VPS13B: variants seen among roughly 807,000 people sequenced by gnomAD.
The protein encoded by VPS13B is vacuolar protein sorting 13 homolog B, also known as intermembrane lipid transfer protein VPS13B.
VPS13B carries 285 observed loss-of-function variants against 426.4 expected under a neutral mutation model. That is an observed-to-expected ratio of 0.67 (90% CI 0.61 to 0.74). The LOEUF (loss-of-function observed/expected upper bound fraction) is 0.74, where lower values mean the gene tolerates loss of function less well. VPS13B is among the 30% of genes least tolerant of loss of function. VPS13B has a pLI of 0.00. For synonymous variants in VPS13B, 1,676 were observed against 1,676.4 expected (o/e 1.00, Z 0.01); for missense variants, 4,537 against 4,782.6 (o/e 0.95, Z 1.51).
intron 29 of VPS13B, among the ~76,000 whole-genome samples, chr8:99,512,737 C>T (rs776199791): frequency 1.1e-4 from 17 of 152,082 alleles, no homozygotes; most frequent in African/African-American, 2.7e-4. Context: ...GGGCTGGGCA[C>T]GGTGGCTCAC....
At chr8:99,798,498 C>T (rs1321590117) in intron 43 of VPS13B, among the ~76,000 whole-genome samples, 1 of 152,010 alleles carries the variant, frequency 6.6e-6, no homozygotes, top group Non-Finnish European at 1.5e-5. Flanking sequence ...ATAAAATGAC[C>T]AATTTCAAGA....
At chr8:99,814,712 A>G (rs536723167) in intron 44 of VPS13B, among the ~76,000 whole-genome samples, 38 of 152,254 alleles carry the variant, frequency 2.5e-4, no homozygotes, top group Non-Finnish European at 4.6e-4. Context: ...GGAGGTGTCT[A>G]CCTTCCCTGA....
At chr8:99,318,007 C>G (rs1210339721) in intron 19 of VPS13B, among the ~76,000 whole-genome samples, 1 of 152,072 alleles carries the variant, frequency 6.6e-6, no homozygotes, top group Non-Finnish European at 1.5e-5. Flanking sequence ...ATTACGGAGC[C>G]TTTAGAAAGC....
chr8:99,430,180 AAG>A (rs954143139), intron 21 of VPS13B, among the ~76,000 whole-genome samples: 3 of 152,212 alleles, frequency 2.0e-5, no homozygotes, highest in African/African-American at 7.2e-5. Flanking sequence ...AACTATGAGA[AAG>A]AAAAAGTCCG....
At chr8:99,080,335 G>C (rs1460869685) in intron 3 of VPS13B, among the ~76,000 whole-genome samples, 1 of 151,830 alleles carries the variant, frequency 6.6e-6, no homozygotes, top group Non-Finnish European at 1.5e-5. Context: ...ACTGACCTGT[G>C]GTCATAATAA....
intron 19 of VPS13B, among the ~76,000 whole-genome samples, chr8:99,353,056 A>T (rs1811979097): frequency 6.6e-6 from 1 of 151,840 alleles, no homozygotes. Flanking sequence ...ATCTTGGCTC[A>T]CTGCAACCTC....
chr8:99,534,911 A>T (rs2133704860), intron 30 of VPS13B, among the ~76,000 whole-genome samples: 1 of 152,330 alleles, frequency 6.6e-6, no homozygotes, highest in East Asian at 1.9e-4. Context: ...AACAGAATGA[A>T]TGGATGGATA....
At chr8:99,290,260 G>A (rs1668984435) in intron 19 of VPS13B, among the ~76,000 whole-genome samples, 2 of 152,010 alleles carry the variant, frequency 1.3e-5, no homozygotes, top group Admixed American at 1.3e-4. Context: ...CAACCCAAAT[G>A]TCCATCAATG....
chr8:99,194,429 C>T (rs1315838176), intron 17 of VPS13B, among the ~76,000 whole-genome samples: 4 of 152,080 alleles, frequency 2.6e-5, no homozygotes, highest in Admixed American at 1.3e-4. Flanking sequence ...CACTCCATTC[C>T]GCCTACGTTT....
chr8:99,503,039 T>C (rs995380906), intron 27 of VPS13B, 89 bp downstream of exon 27: 3 of 1,016,460 alleles, frequency 3.0e-6, no homozygotes, highest in African/African-American at 3.2e-5. Context: ...TTTGGCTGGT[T>C]ATTAAAATAA....
At chr8:99,717,149 C>G (rs756196889) in intron 36 of VPS13B, 22 bp from the exon 37 acceptor site, 2 of 1,586,192 alleles carry the variant, frequency 1.3e-6, no homozygotes, top group South Asian at 1.1e-5. Flanking sequence ...GAATTATATA[C>G]TCTTCTGTAT....
chr8:99,544,355 C>G (rs537176627), intron 30 of VPS13B, among the ~76,000 whole-genome samples: 1 of 152,076 alleles, frequency 6.6e-6, no homozygotes, highest in Non-Finnish European at 1.5e-5. Flanking sequence ...GGAGATATAC[C>G]TAATGCTAGA....
At chr8:99,195,931 G>A (rs1307019444) in intron 17 of VPS13B, among the ~76,000 whole-genome samples, 8 of 152,182 alleles carry the variant, frequency 5.3e-5, no homozygotes, top group Admixed American at 5.2e-4. Context: ...CTGTCTTCAT[G>A]CCAGTACCAT....
intron 17 of VPS13B, among the ~76,000 whole-genome samples, chr8:99,208,540 A>G (rs1269465036): frequency 6.6e-6 from 1 of 152,142 alleles, no homozygotes; most frequent in African/African-American, 2.4e-5. Flanking sequence ...ACATCTTCAT[A>G]TTATATGTAA....
At chr8:99,093,678 T>C (rs1018261520) in intron 3 of VPS13B, among the ~76,000 whole-genome samples, 36 of 152,116 alleles carry the variant, frequency 2.4e-4, no homozygotes, top group African/African-American at 8.2e-4. Flanking sequence ...TGATTTCCAA[T>C]TTCATCCATG....
At chr8:99,475,783 C>T (rs1343889862) in intron 24 of VPS13B, among the ~76,000 whole-genome samples, 15 of 152,208 alleles carry the variant, frequency 9.9e-5, no homozygotes, top group Admixed American at 9.8e-4. Flanking sequence ...TCCAGAGTCA[C>T]CTGGTTCCCA....
Position 99,575,487 on chromosome 8 carries a change from T to A in VPS13B, c.4950-171T>A, listed in dbSNP as rs77816225. Among the ~76,000 whole-genome samples, 1,429 of 152,314 alleles carry A rather than the reference T, an allele frequency of 9.4e-3. 32 individuals carry two copies. The highest frequency in any genetic ancestry group is 0.033 in the African/African-American group (1,368 of 41,578). The stretch of plus-strand genomic sequence containing the variant: ...AAGATGTTTTCATCTTTTGTAAATC[T>A]TATGGAATTGAAGTTAAGAAACGAT... On this transcript the variant is annotated intron_variant, in intron 31 of 61. Transcript: ENST00000357162.
intron 56 of VPS13B, among the ~76,000 whole-genome samples, chr8:99,857,163 A>T (rs996577333): frequency 6.6e-6 from 1 of 152,220 alleles, no homozygotes; most frequent in Admixed American, 6.5e-5. Flanking sequence ...TGGCCTACAC[A>T]TAGCCCTTCT....
chr8:99,703,593 C>G (rs1832374214), intron 36 of VPS13B, among the ~76,000 whole-genome samples: 1 of 152,054 alleles, frequency 6.6e-6, no homozygotes, highest in Non-Finnish European at 1.5e-5. Flanking sequence ...ATTCATTGAA[C>G]CCATCCCATT....
Sources: allele counts gnomAD v4.1 joint callset (sites outside exome capture counted in the v4.1 genomes callset), GRCh38; gene constraint gnomAD v4.1.1; transcripts MANE v1.5; gene names NCBI Gene and HGNC (gene_info 2026-07-23, HGNC 2026-07-21).